The following FGF10 variants were observed in gnomAD, a reference collection of about 807,000 sequenced individuals.
The protein encoded by FGF10 is FGF-10.
Under a neutral mutation model 19.8 loss-of-function variants are expected in FGF10, and 2 were observed. The observed-to-expected ratio is 0.10, with a 90% CI of 0.04 to 0.32. FGF10 has a LOEUF of 0.32. Among genes scored for constraint, FGF10 ranks in the 10% least tolerant of loss-of-function variants. The pLI, the probability that FGF10 is intolerant of heterozygous loss-of-function variation, is 1.00. For missense variants in FGF10, 191 were observed against 246.3 expected, an observed-to-expected ratio of 0.78 and a Z score of 1.50; for synonymous variants, 112 against 94.0, an observed-to-expected ratio of 1.19 and a Z score of -1.10.
chr5:44,334,707 T>C (rs111523624), intron 1 of FGF10, among the ~76,000 whole-genome samples: 2,135 of 152,264 alleles, frequency 0.014, 52 homozygotes, highest in African/African-American at 0.048. Context: ...ATCAGCCAAA[T>C]GCTCTTTTCA....
chr5:44,344,568 C>CTGTGCGTG (rs1554037821), intron 1 of FGF10, among the ~76,000 whole-genome samples: 1 of 126,790 alleles, frequency 7.9e-6, no homozygotes, highest in Non-Finnish European at 1.6e-5. Flanking sequence ...TTTGTTTTCT[C>CTGTGCGTG]TGTGTGTGTG....
In FGF10 at chr5:44,364,848, A is replaced by C. The variant is rs555335020; in HGVS notation, c.325+23510T>G. ...GAAACCAAGATAGAAATCTGATAATATTATCTGTGTAGGTGGTTTTCACAT... is the reference window on the plus strand; with the variant it reads ...GAAACCAAGATAGAAATCTGATAATCTTATCTGTGTAGGTGGTTTTCACAT... On this transcript the variant is annotated intron_variant, in intron 1 of 2. Coordinates refer to ENST00000264664, the MANE Select transcript of FGF10 (RefSeq NM_004465.2). Among the ~76,000 whole-genome samples the C allele has an allele frequency of 8.6e-5, 13 of 152,036 alleles. No individual in the cohort carries two copies. The South Asian group carries it at 2.5e-3, about 29-fold the overall frequency.
chr5:44,364,978 T>A (rs1469074918), intron 1 of FGF10, among the ~76,000 whole-genome samples: 1 of 151,842 alleles, frequency 6.6e-6, no homozygotes, highest in African/African-American at 2.4e-5. Flanking sequence ...ATAAGAGATA[T>A]GAGTTAAAAA....
At chr5:44,315,641 T>C (rs7702663) in intron 1 of FGF10, among the ~76,000 whole-genome samples, 151,719 of 152,306 alleles carry the variant, frequency 1, 75,572 homozygotes, top group Middle Eastern at 1. Context: ...TATATAGTTT[T>C]ATAGTTTTAA....
intron 1 of FGF10, among the ~76,000 whole-genome samples, chr5:44,353,564 G>C (rs1741282518): frequency 6.6e-6 from 1 of 151,550 alleles, no homozygotes; most frequent in East Asian, 1.9e-4. Context: ...ATTTTAAAAA[G>C]TAAATCCTGA....
chr5:44,377,917 A>C (rs1286367762), intron 1 of FGF10, among the ~76,000 whole-genome samples: 1 of 152,212 alleles, frequency 6.6e-6, no homozygotes. Context: ...AGATGTCACT[A>C]TCTTAGCCGT....
At chr5:44,356,684 T>C (rs963337305) in intron 1 of FGF10, among the ~76,000 whole-genome samples, 4 of 151,476 alleles carry the variant, frequency 2.6e-5, no homozygotes, top group African/African-American at 9.7e-5. Flanking sequence ...TTATCAACTT[T>C]GTTTCTCAGT....
chr5:44,386,437 G>T (rs921089413), intron 1 of FGF10, among the ~76,000 whole-genome samples: 6 of 151,992 alleles, frequency 3.9e-5, no homozygotes, highest in African/African-American at 1.2e-4. Context: ...AGAATTTTTT[G>T]TTGTTGTTGT....
intron 1 of FGF10, among the ~76,000 whole-genome samples, chr5:44,359,872 G>A (rs1243344156): frequency 6.6e-6 from 1 of 151,328 alleles, no homozygotes; most frequent in Non-Finnish European, 1.5e-5. Flanking sequence ...AAGTCTCATG[G>A]TCTATCATTC....
At chr5:44,350,834 G>C (rs1319139382) in intron 1 of FGF10, among the ~76,000 whole-genome samples, 1 of 151,138 alleles carries the variant, frequency 6.6e-6, no homozygotes, top group Non-Finnish European at 1.5e-5. Context: ...TAGCACTTTG[G>C]TTATTTCTTT....
chr5:44,381,498 A>G (rs1741981656), intron 1 of FGF10, among the ~76,000 whole-genome samples: 1 of 151,986 alleles, frequency 6.6e-6, no homozygotes, highest in Non-Finnish European at 1.5e-5. Context: ...CAAAACCAAG[A>G]AGGTGAAAAT....
chr5:44,362,113 G>T (rs1741496044), intron 1 of FGF10, among the ~76,000 whole-genome samples: 1 of 151,634 alleles, frequency 6.6e-6, no homozygotes, highest in African/African-American at 2.4e-5. Flanking sequence ...GAGTCAAGCA[G>T]ACCTAGCTTG....
rs1263059852 is a variant in FGF10, at chr5:44,301,949, TC to T, written c.*3045del. On this transcript the variant is annotated 3_prime_UTR_variant, in exon 3 of 3. Coordinates refer to ENST00000264664, the MANE Select transcript of FGF10 (RefSeq NM_004465.2). ...TTGCGAGTTAGGAGGAGGGAGTGAT[TC>T]TATATCTTTATGAGGAGTATTCTCA... Among the ~76,000 whole-genome samples, 1 of 152,160 alleles carries T rather than the reference TC, an allele frequency of 6.6e-6. No individual in the cohort carries two copies. Among genetic ancestry groups the T allele is most frequent in the Non-Finnish European group, 1.5e-5 (1 of 68,026 alleles).
intron 2 of FGF10, among the ~76,000 whole-genome samples, chr5:44,309,704 G>A (rs1352193166): frequency 6.6e-6 from 1 of 151,982 alleles, no homozygotes; most frequent in Non-Finnish European, 1.5e-5. Flanking sequence ...CAACTATTTG[G>A]CATTTTAAGT....
chr5:44,375,135 C>A (rs1398823186), intron 1 of FGF10, among the ~76,000 whole-genome samples: 1 of 151,960 alleles, frequency 6.6e-6, no homozygotes, highest in Non-Finnish European at 1.5e-5. Flanking sequence ...AGTTATTTAC[C>A]TAATAATATA....
intron 1 of FGF10, among the ~76,000 whole-genome samples, chr5:44,382,233 G>A (rs1195489745): frequency 6.6e-6 from 1 of 152,072 alleles, no homozygotes; most frequent in African/African-American, 2.4e-5. Flanking sequence ...CTTCTTTGAT[G>A]TATTGTGCCA....
At chr5:44,344,241 G>A (rs770317877) in intron 1 of FGF10, among the ~76,000 whole-genome samples, 1 of 151,920 alleles carries the variant, frequency 6.6e-6, no homozygotes, top group Non-Finnish European at 1.5e-5. Flanking sequence ...TCCAGCCCAA[G>A]TACTTTAATG....
chr5:44,333,974 C>T (rs1472167531), intron 1 of FGF10, among the ~76,000 whole-genome samples: 1 of 152,072 alleles, frequency 6.6e-6, no homozygotes, highest in Non-Finnish European at 1.5e-5. Context: ...CTTTCATCCT[C>T]TTCAGTAGAT....
intron 1 of FGF10, among the ~76,000 whole-genome samples, chr5:44,335,656 T>C (rs1258583603): frequency 1.3e-5 from 2 of 152,156 alleles, no homozygotes; most frequent in African/African-American, 4.8e-5. Flanking sequence ...AAACACATCC[T>C]TTGTACCAAT....
Sources: gnomAD v4.1 joint callset for allele counts (sites outside exome capture counted in the v4.1 genomes callset) on GRCh38, gnomAD v4.1.1 for gene constraint, MANE v1.5 for transcripts, NCBI Gene and HGNC (gene_info 2026-07-23, HGNC 2026-07-21) for gene names.